KCNC2: variants seen among roughly 807,000 people sequenced by gnomAD.
KCNC2 encodes the protein voltage-gated potassium channel KCNC2.
KCNC2 carries 21 observed loss-of-function variants against 44.5 expected under a neutral mutation model. The observed-to-expected ratio is 0.47, with a 90% CI of 0.33 to 0.68. The LOEUF is 0.68. KCNC2 is among the 30% of genes least tolerant of loss of function. The pLI, the probability that KCNC2 is intolerant of heterozygous loss-of-function variation, is 0.01. For synonymous variants in KCNC2, 391 were observed against 339.1 expected (o/e 1.15, Z -1.68); for missense variants, 589 against 826.2 (o/e 0.71, Z 3.52).
chr12:75,046,059 C>G (rs1012502474), intron 4 of KCNC2, among the ~76,000 whole-genome samples: 2 of 151,456 alleles, frequency 1.3e-5, no homozygotes, highest in Non-Finnish European at 1.5e-5. Flanking sequence ...ATAAGATAAC[C>G]AACTGAAACG....
rs769567483 is a variant in KCNC2, at chr12:75,043,057, AC to A, written c.*47del. ...TTATTTCCATTATGGGGTAAACAGC[AC>A]TTGAATTAATACAATTTAGCCGACT... On this transcript the variant is annotated 3_prime_UTR_variant, in exon 5 of 5. Coordinates refer to ENST00000549446, the MANE Select transcript of KCNC2 (RefSeq NM_139137.4). The A allele has an allele frequency of 1.2e-6, 2 of 1,607,038 alleles. No homozygotes were observed. Among genetic ancestry groups the A allele is most frequent in the Non-Finnish European group, 1.7e-6 (2 of 1,176,124 alleles).
At chr12:75,058,114 G>A (rs1227352639) in intron 2 of KCNC2, among the ~76,000 whole-genome samples, 1 of 151,918 alleles carries the variant, frequency 6.6e-6, no homozygotes, top group African/African-American at 2.4e-5. Flanking sequence ...TGAACATATA[G>A]TATCATTTTG....
intron 2 of KCNC2, among the ~76,000 whole-genome samples, chr12:75,151,943 T>C (rs1356301518): frequency 1.4e-5 from 2 of 146,546 alleles, no homozygotes; most frequent in Admixed American, 6.9e-5. Flanking sequence ...ATATTATACA[T>C]TTATATATAA....
intron 2 of KCNC2, among the ~76,000 whole-genome samples, chr12:75,193,904 G>A (rs2030530154): frequency 1.3e-5 from 2 of 151,850 alleles, no homozygotes; most frequent in Admixed American, 1.3e-4. Context: ...ACCAAGACGA[G>A]CAAATGAAAA....
At chr12:75,158,883 C>G (rs1592994058) in intron 2 of KCNC2, among the ~76,000 whole-genome samples, 2 of 151,800 alleles carry the variant, frequency 1.3e-5, no homozygotes, top group South Asian at 4.1e-4. Flanking sequence ...TTAATTTAGT[C>G]TTGTCCTAAT....
intron 2 of KCNC2, among the ~76,000 whole-genome samples, chr12:75,186,134 T>C (rs993447568): frequency 2.6e-5 from 4 of 151,756 alleles, no homozygotes; most frequent in Admixed American, 1.3e-4. Context: ...AGAGGTATAA[T>C]TCTAGCGCAG....
intron 2 of KCNC2, among the ~76,000 whole-genome samples, chr12:75,154,434 A>G (rs1008457778): frequency 5.3e-5 from 8 of 152,112 alleles, no homozygotes; most frequent in Middle Eastern, 6.8e-3. Context: ...GAAGTTGTCT[A>G]TTTCTAGACT....
At chr12:75,208,217 T>C (rs1390132109) in intron 1 of KCNC2, among the ~76,000 whole-genome samples, 1 of 152,002 alleles carries the variant, frequency 6.6e-6, no homozygotes, top group Non-Finnish European at 1.5e-5. Flanking sequence ...GAGATAGCAG[T>C]CCTAGTCTTT....
chr12:75,168,604 G>T (rs1016296597), intron 2 of KCNC2, among the ~76,000 whole-genome samples: 1 of 151,504 alleles, frequency 6.6e-6, no homozygotes, highest in Non-Finnish European at 1.5e-5. Context: ...ACCACAAATG[G>T]TGAAAACAAC....
At chr12:75,106,866 C>T (rs1271432630) in intron 2 of KCNC2, among the ~76,000 whole-genome samples, 1 of 152,160 alleles carries the variant, frequency 6.6e-6, no homozygotes, top group Non-Finnish European at 1.5e-5. Context: ...TTAGATTTAA[C>T]ACATGTTAAT....
chr12:75,196,631 A>T (rs1565687335), intron 2 of KCNC2, among the ~76,000 whole-genome samples: 1 of 152,034 alleles, frequency 6.6e-6, no homozygotes, highest in Non-Finnish European at 1.5e-5. Context: ...AGGCTTAGAG[A>T]ATTCCCTGAA....
At chr12:75,117,167 C>T (rs976895475) in intron 2 of KCNC2, among the ~76,000 whole-genome samples, 1 of 152,096 alleles carries the variant, frequency 6.6e-6, no homozygotes, top group African/African-American at 2.4e-5. Flanking sequence ...TCTCTGTACA[C>T]TGAGAAGCTT....
chr12:75,069,563 A>T (rs535529425), intron 2 of KCNC2, among the ~76,000 whole-genome samples: 2 of 152,160 alleles, frequency 1.3e-5, no homozygotes, highest in African/African-American at 4.8e-5. Context: ...ATTTCAGTAG[A>T]CAAATTTTGG....
rs115848075 is a variant in KCNC2 at position 75,042,413 on chromosome 12, C to T, written c.*692G>A. 6.3e-7 allele frequency: 1 copy of T among 1,590,168 alleles called. No homozygotes were observed. The highest frequency in any genetic ancestry group is 8.6e-7 in the Non-Finnish European group (1 of 1,168,618). On this transcript the variant is annotated 3_prime_UTR_variant, in exon 5 of 5. Transcript: ENST00000549446. Reference sequence around the variant, plus strand: ...ACCAGAGACATTCAGAACTCCAATACAGCATTTTTGAAGAAAAGTAAATCA... The same window carrying T: ...ACCAGAGACATTCAGAACTCCAATATAGCATTTTTGAAGAAAAGTAAATCA...
chr12:75,117,104 G>A (rs1887715010), intron 2 of KCNC2, among the ~76,000 whole-genome samples: 1 of 151,586 alleles, frequency 6.6e-6, no homozygotes, highest in Non-Finnish European at 1.5e-5. Flanking sequence ...AAAAAATAAA[G>A]GAAAGAGAAG....
At position 75,066,867 on chromosome 12, in the gene KCNC2, A is replaced by G. The variant is rs753504084; in HGVS notation, c.688-15550T>C. On this transcript the variant is annotated intron_variant, in intron 2 of 4. Coordinates refer to ENST00000549446, the MANE Select transcript of KCNC2 (RefSeq NM_139137.4). ...AAGGAAATTTTAGATCTGTAAAATA[A>G]TGTTTTAAATCATTTAATCTAATGC... Among the ~76,000 whole-genome samples, 29 of 152,322 alleles carry G rather than the reference A, an allele frequency of 1.9e-4. No homozygotes were observed. In the Middle Eastern group the frequency reaches 0.01, roughly 54 times the overall value.
At chr12:75,043,500 T>C in intron 4 of KCNC2, 1 of 1,266,680 alleles carries the variant, frequency 7.9e-7, no homozygotes, top group Non-Finnish European at 1.0e-6. Flanking sequence ...ATAGTTAGCA[T>C]TAATATAATT....
At chr12:75,124,865 G>A (rs973061816) in intron 2 of KCNC2, 7 of 152,292 alleles carry the variant, frequency 4.6e-5, no homozygotes, top group Non-Finnish European at 1.0e-4. Flanking sequence ...AGCACTTTGG[G>A]AGGTCGAGGC....
intron 2 of KCNC2, among the ~76,000 whole-genome samples, chr12:75,091,436 A>G (rs919873836): frequency 7.0e-4 from 106 of 151,714 alleles, no homozygotes; most frequent in Admixed American, 6.8e-3. Flanking sequence ...CTGGCAAGTC[A>G]ATCTTGAATT....
Sources: allele counts gnomAD v4.1 joint callset (sites outside exome capture counted in the v4.1 genomes callset), GRCh38; gene constraint gnomAD v4.1.1; transcripts MANE v1.5; gene names NCBI Gene and HGNC (gene_info 2026-07-23, HGNC 2026-07-21).